The following VTCN1 variants were observed in gnomAD, a reference collection of about 807,000 sequenced individuals.
The protein encoded by VTCN1 is V-set domain-containing T-cell activation inhibitor 1.
VTCN1 carries 26 observed loss-of-function variants against 26.5 expected under a neutral mutation model. That is an observed-to-expected ratio of 0.98 (90% CI 0.72 to 1.36). VTCN1 has a LOEUF of 1.36. Among genes scored for constraint, VTCN1 ranks in the 40% most tolerant of loss-of-function variants. The pLI, the probability that VTCN1 is intolerant of heterozygous loss-of-function variation, is 0.00. For missense variants in VTCN1, 298 were observed against 337.7 expected, an observed-to-expected ratio of 0.88 and a Z score of 0.92; for synonymous variants, 116 against 130.7, an observed-to-expected ratio of 0.89 and a Z score of 0.77.
chr1:117,201,353 G>A (rs1570992165), intron 1 of VTCN1, among the ~76,000 whole-genome samples: 1 of 152,136 alleles, frequency 6.6e-6, no homozygotes, highest in East Asian at 1.9e-4. Context: ...GCGGGAGGGA[G>A]TCCCAGTGCA....
At chr1:117,174,947 C>A (rs1366405825) in intron 1 of VTCN1, among the ~76,000 whole-genome samples, 1 of 152,158 alleles carries the variant, frequency 6.6e-6, no homozygotes, top group Non-Finnish European at 1.5e-5. Flanking sequence ...CACTTTAGTG[C>A]TCTGGGCTGT....
intron 1 of VTCN1, among the ~76,000 whole-genome samples, chr1:117,198,365 T>A (rs1469058669): frequency 1.3e-5 from 2 of 152,182 alleles, no homozygotes; most frequent in African/African-American, 2.4e-5. Flanking sequence ...AAAGGATCTC[T>A]CATGGGAAGG....
At chr1:117,187,595 T>A (rs1024509591) in intron 1 of VTCN1, among the ~76,000 whole-genome samples, 2 of 152,186 alleles carry the variant, frequency 1.3e-5, no homozygotes, top group African/African-American at 4.8e-5. Flanking sequence ...TTATACCAGA[T>A]ACATTGCTCT....
In VTCN1 at chr1:117,145,859, C is replaced by T. The variant is rs1651479204; in HGVS notation, c.*46-634G>A. Among the ~76,000 whole-genome samples, 1 of 152,120 alleles carries T rather than the reference C, an allele frequency of 6.6e-6. No individual in the cohort carries two copies. The highest frequency in any genetic ancestry group is 1.5e-5 in the Non-Finnish European group (1 of 68,024). ...ATATTGCCCAGGTTGGTTTTAAACT[C>T]CTGGGCTCAAGCAGTCCTCCCATCT... On this transcript the variant is annotated intron_variant, in intron 5 of 5. Coordinates refer to ENST00000369458, the MANE Select transcript of VTCN1 (RefSeq NM_024626.4). The surrounding 1 kb of genome is among the most constrained non-coding windows in gnomAD (Gnocchi z 4.6).
intron 1 of VTCN1, among the ~76,000 whole-genome samples, chr1:117,193,290 T>C (rs934668049): frequency 6.6e-6 from 1 of 152,156 alleles, no homozygotes; most frequent in Admixed American, 6.5e-5. Flanking sequence ...GGATTACATT[T>C]TTCAGTCAAA....
intron 3 of VTCN1, among the ~76,000 whole-genome samples, chr1:117,154,996 C>T (rs1352322778): frequency 6.6e-6 from 1 of 151,934 alleles, no homozygotes; most frequent in Non-Finnish European, 1.5e-5. Context: ...TCATGTTTTC[C>T]CAATTTTCTG....
At chr1:117,151,556 G>A (rs1026310630) in intron 4 of VTCN1, among the ~76,000 whole-genome samples, 2 of 152,048 alleles carry the variant, frequency 1.3e-5, no homozygotes, top group Non-Finnish European at 2.9e-5. Context: ...TTTACAGAGC[G>A]CTGATTGGTC....
At chr1:117,179,851 A>T (rs991007153) in intron 1 of VTCN1, among the ~76,000 whole-genome samples, 1 of 152,218 alleles carries the variant, frequency 6.6e-6, no homozygotes. Flanking sequence ...GATAGATACT[A>T]TTATCTTTGT....
chr1:117,165,403 A>T (rs553999770), intron 2 of VTCN1, among the ~76,000 whole-genome samples: 1 of 152,186 alleles, frequency 6.6e-6, no homozygotes, highest in East Asian at 1.9e-4. Context: ...TTGAAATATA[A>T]TCCCCAATTA....
chr1:117,157,510 T>A (rs1652149801), intron 2 of VTCN1, among the ~76,000 whole-genome samples: 1 of 152,122 alleles, frequency 6.6e-6, no homozygotes, highest in African/African-American at 2.4e-5. Flanking sequence ...CCAGATCTCA[T>A]TAGACTTACT....
Position 117,146,287 on chromosome 1 carries a change from A to T in VTCN1, c.*46-1062T>A, listed in dbSNP as rs1651497875. Among the ~76,000 whole-genome samples the T allele has an allele frequency of 6.6e-6, 1 of 152,194 alleles. No individual in the cohort carries two copies. Among genetic ancestry groups the T allele is most frequent in the African/African-American group, 2.4e-5 (1 of 41,458 alleles). ...TTTCCTTAGGGAAATCTCTGCTGAC[A>T]ACTGTGGAGGATTGGAAATGATGAA... On this transcript the variant is annotated intron_variant, in intron 5 of 5. Transcript: ENST00000369458. This position sits in a 1 kb window ranked among gnomAD's most constrained non-coding sequence, Gnocchi z 4.2.
intron 4 of VTCN1, among the ~76,000 whole-genome samples, chr1:117,151,443 T>A (rs966456104): frequency 1.3e-5 from 2 of 152,188 alleles, no homozygotes; most frequent in African/African-American, 4.8e-5. Flanking sequence ...CACCAAACCC[T>A]GCACATCACA....
chr1:117,190,032 C>T (rs895853250), intron 1 of VTCN1, among the ~76,000 whole-genome samples: 5 of 152,326 alleles, frequency 3.3e-5, no homozygotes, highest in South Asian at 2.1e-4. Flanking sequence ...CCAGAACCAT[C>T]GGCTAAGGAG....
At chr1:117,191,366 G>T (rs1192271212) in intron 1 of VTCN1, among the ~76,000 whole-genome samples, 1 of 152,214 alleles carries the variant, frequency 6.6e-6, no homozygotes, top group Non-Finnish European at 1.5e-5. Context: ...ATTTAAAGAT[G>T]TAATAGGCCA....
intron 1 of VTCN1, chr1:117,203,704 G>T: frequency 1.0e-6 from 1 of 985,280 alleles, no homozygotes; most frequent in Non-Finnish European, 1.2e-6. Context: ...AATGTGGAAT[G>T]ATAAATGATC....
intron 2 of VTCN1, among the ~76,000 whole-genome samples, chr1:117,162,736 CA>C (rs1652427022): frequency 6.6e-6 from 1 of 152,176 alleles, no homozygotes; most frequent in South Asian, 2.1e-4. Context: ...GCTGTTAAAG[CA>C]GGGGCAAGAC....
chr1:117,172,960 C>T (rs1405915380), intron 1 of VTCN1, among the ~76,000 whole-genome samples: 2 of 152,210 alleles, frequency 1.3e-5, no homozygotes, highest in Non-Finnish European at 2.9e-5. Context: ...CGGCAAACTC[C>T]TCCGGTCCCC....
At chr1:117,181,403 C>T (rs376295219) in intron 1 of VTCN1, among the ~76,000 whole-genome samples, 10 of 152,338 alleles carry the variant, frequency 6.6e-5, no homozygotes, top group African/African-American at 2.4e-4. Flanking sequence ...GAATTTAAGA[C>T]CACCTTTAAA....
intron 3 of VTCN1, among the ~76,000 whole-genome samples, chr1:117,153,992 C>A (rs1486853276): frequency 6.6e-6 from 1 of 152,174 alleles, no homozygotes; most frequent in Non-Finnish European, 1.5e-5. Context: ...GACTTAGCTT[C>A]CCCCCATATC....
Sources: allele counts gnomAD v4.1 joint callset (sites outside exome capture counted in the v4.1 genomes callset), GRCh38; gene constraint gnomAD v4.1.1; non-coding constraint Gnocchi (gnomAD v3.1); transcripts MANE v1.5; gene names NCBI Gene and HGNC (gene_info 2026-07-23, HGNC 2026-07-21).